USP37: variants seen among roughly 807,000 people sequenced by gnomAD.
The protein encoded by USP37 is ubiquitin carboxyl-terminal hydrolase 37.
Under a neutral mutation model 124.0 loss-of-function variants are expected in USP37, and 27 were observed. The ratio of observed to expected loss-of-function variants is 0.22; its 90% confidence interval spans 0.16 to 0.30. USP37 has a LOEUF of 0.30. Among genes scored for constraint, USP37 ranks in the 10% least tolerant of loss-of-function variants. USP37 has a pLI of 1.00. For synonymous variants in USP37, 365 were observed against 388.0 expected (o/e 0.94, Z 0.70); for missense variants, 889 against 1,140.4 (o/e 0.78, Z 3.17).
chr2:218,532,466 C>CAAAAAAAAA (rs35277725), intron 9 of USP37, among the ~76,000 whole-genome samples: 3 of 115,398 alleles, frequency 2.6e-5, no homozygotes, highest in African/African-American at 3.4e-5. Context: ...GACTCTGTCT[C>CAAAAAAAAA]AAAAAAAAAA....
At chr2:218,543,624 A>AACAC (rs1339829936) in intron 8 of USP37, among the ~76,000 whole-genome samples, 4 of 152,038 alleles carry the variant, frequency 2.6e-5, no homozygotes, top group African/African-American at 9.6e-5. Flanking sequence ...CATTCTGGCT[A>AACAC]ACACCGTGAA....
intron 8 of USP37, among the ~76,000 whole-genome samples, chr2:218,537,937 G>A (rs532290590): frequency 6.6e-6 from 1 of 152,294 alleles, no homozygotes; most frequent in African/African-American, 2.4e-5. Flanking sequence ...TCAAGGGACT[G>A]TGCAACCAGA....
At chr2:218,550,635 G>T (rs373958719) in intron 5 of USP37, among the ~76,000 whole-genome samples, 1 of 98,010 alleles carries the variant, frequency 1.0e-5, no homozygotes, top group African/African-American at 3.7e-5. Flanking sequence ...AAAGAAAAAA[G>T]AAAAAAAAAA....
In USP37 at chr2:218,485,696, A is replaced by G. The variant is rs765995641; in HGVS notation, c.1638T>C (p.Ala546=). ...YSCEKCGGKC[A]LVRHKFNRLP... is the part of the protein sequence containing the mutation. ...GCCTGTTAAATTTGTGCCTGACAAG[A>G]GCACACTTCCCACCACACTTCTCAC... Residue 546 remains alanine (A), a synonymous_variant, in exon 16 of 26, where the codon GCT becomes GCC. Transcript: ENST00000258399. 2 of 1,608,308 alleles carry G rather than the reference A, an allele frequency of 1.2e-6. No individual in the cohort carries two copies. Among genetic ancestry groups the G allele is most frequent in the South Asian group, 1.1e-5 (1 of 88,706 alleles).
Position 218,549,869 on chromosome 2 carries a change from A to G in USP37, c.369T>C (p.Ile123=). The G allele has an allele frequency of 6.2e-7, 1 of 1,613,040 alleles. No individual in the cohort carries two copies. The highest frequency in any genetic ancestry group is 8.5e-7 in the Non-Finnish European group (1 of 1,179,568). The change falls in exon 6 of 26, where the codon ATT becomes ATC. Residue 123 remains isoleucine, a synonymous_variant. Coordinates refer to ENST00000258399, the MANE Select transcript of USP37 (RefSeq NM_020935.3). ...CCTTCTGTGAGGTCCTGCTGCCCAGAATGGCTCCAAAACTACCAGACCCCT... is the reference window on the plus strand; with the variant it reads ...CCTTCTGTGAGGTCCTGCTGCCCAGGATGGCTCCAAAACTACCAGACCCCT... ...PSQGSGSFGA[I]LGSRTSQKET...
At chr2:218,499,293 C>A (rs952262268) in intron 11 of USP37, among the ~76,000 whole-genome samples, 158 of 150,938 alleles carry the variant, frequency 1.0e-3, no homozygotes, top group Admixed American at 3.8e-3. Context: ...CAAAAAACAA[C>A]AAAAAAAAAC....
chr2:218,473,931 C>T (rs77348949), intron 20 of USP37, among the ~76,000 whole-genome samples: 7,441 of 152,234 alleles, frequency 0.049, 523 homozygotes, highest in African/African-American at 0.16. Context: ...CATGGCATAG[C>T]TCCTGGGCTA....
chr2:218,555,463 T>C (rs1692915635), intron 4 of USP37, among the ~76,000 whole-genome samples: 1 of 152,232 alleles, frequency 6.6e-6, no homozygotes, highest in South Asian at 2.1e-4. Context: ...TAATTCGTTT[T>C]AGATGCTTTT....
intron 20 of USP37, among the ~76,000 whole-genome samples, chr2:218,468,986 C>T (rs1237249817): frequency 2.0e-5 from 3 of 152,204 alleles, no homozygotes; most frequent in Middle Eastern, 3.2e-3. Context: ...AGCCACACTG[C>T]GCCCGGCTCC....
intron 9 of USP37, 32 bp downstream of exon 9, chr2:218,534,577 G>T: frequency 7.6e-7 from 1 of 1,320,426 alleles, no homozygotes; most frequent in Non-Finnish European, 1.0e-6. Context: ...TAATAAATGA[G>T]CACCTTATTT....
chr2:218,485,568 T>G (rs1254710934), intron 16 of USP37, 96 bp downstream of exon 16: 1 of 1,309,360 alleles, frequency 7.6e-7, no homozygotes, highest in Non-Finnish European at 1.0e-6. Flanking sequence ...TCAGTAATAT[T>G]TGTATGAACT....
chr2:218,553,408 T>C (rs1024018899), intron 5 of USP37, 145 bp downstream of exon 5: 1 of 732,318 alleles, frequency 1.4e-6, no homozygotes, highest in Non-Finnish European at 1.9e-6. Context: ...TGGTGAACTA[T>C]CTTTGAATTT....
chr2:218,505,403 T>C (rs1447033355), intron 11 of USP37, among the ~76,000 whole-genome samples: 4 of 152,216 alleles, frequency 2.6e-5, no homozygotes, highest in Admixed American at 2.6e-4. Flanking sequence ...GAAATGTTCA[T>C]CATTTACGTT....
At chr2:218,526,205 G>C (rs762064741) in intron 10 of USP37, among the ~76,000 whole-genome samples, 8 of 152,154 alleles carry the variant, frequency 5.3e-5, no homozygotes, top group Non-Finnish European at 1.0e-4. Context: ...TATATACCCA[G>C]TAATGGGATT....
In USP37 at chr2:218,457,157, C is replaced by A. The variant is rs1463148929; in HGVS notation, c.2648G>T (p.Gly883Val). The A allele has an allele frequency of 6.2e-7, 1 of 1,613,434 alleles. No individual in the cohort carries two copies. Among genetic ancestry groups the A allele is most frequent in the East Asian group, 2.2e-5 (1 of 44,872 alleles). ...AEELKRNAET[G>V]NLPHSYRLIS... The stretch of plus-strand genomic sequence containing the variant: ...GAGCCGGTACGAATGAGGCAGATTT[C>A]CTGTCTGGAAAACAGAAGTGGGTAT... The change falls in exon 24 of 26, where the codon GGA becomes GTA. Residue 883 changes from glycine (G) to valine (V), a missense_variant. Gly to Val is a moderately radical substitution (Grantham distance 109). This residue lies in a region of USP37 where 504 missense variants were observed against 714.3 expected (regional missense o/e 0.71). Transcript: ENST00000258399.
intron 9 of USP37, among the ~76,000 whole-genome samples, chr2:218,534,378 A>G (rs553499185): frequency 4.1e-4 from 62 of 152,330 alleles, no homozygotes; most frequent in African/African-American, 1.4e-3. Context: ...AGTCCCAGCT[A>G]CTTGAGAGGC....
rs1182438922 is a variant in USP37, at chr2:218,453,848, G to A, written c.*1082C>T. On this transcript the variant is annotated 3_prime_UTR_variant, in exon 26 of 26. Transcript: ENST00000258399. ...GCCCAAGGTTTGTCCTACAGCTCAAGTACTTAATTTCATACTTGCAATAGG... is the reference window on the plus strand; with the variant it reads ...GCCCAAGGTTTGTCCTACAGCTCAAATACTTAATTTCATACTTGCAATAGG... The A allele has an allele frequency of 6.6e-6, 1 of 152,180 alleles. No individual in the cohort carries two copies. Among genetic ancestry groups the A allele is most frequent in the Admixed American group, 6.6e-5 (1 of 15,244 alleles). The allele number at this position is 152,180 out of a possible 1,614,324, so 9.4% of individuals were successfully genotyped here.
chr2:218,462,872 G>A (rs1195637423), intron 22 of USP37, among the ~76,000 whole-genome samples: 1 of 151,970 alleles, frequency 6.6e-6, no homozygotes, highest in East Asian at 1.9e-4. Context: ...TACCTGGGAG[G>A]TATTCAAATT....
At chr2:218,475,170 C>T (rs1310690640) in intron 19 of USP37, among the ~76,000 whole-genome samples, 2 of 152,046 alleles carry the variant, frequency 1.3e-5, no homozygotes, top group East Asian at 3.9e-4. Context: ...AAATAGATTA[C>T]TCAGAGATAA....
Sources: allele counts gnomAD v4.1 joint callset (sites outside exome capture counted in the v4.1 genomes callset), GRCh38; gene constraint gnomAD v4.1.1; regional missense constraint gnomAD v4.1.1; transcripts MANE v1.5; gene names NCBI Gene and HGNC (gene_info 2026-07-23, HGNC 2026-07-21).